Variants in PRKCA observed in about 807,000 individuals in gnomAD.
The protein encoded by PRKCA is protein kinase C alpha.
A neutral mutation model predicts 87.0 loss-of-function variants in PRKCA; 27 were observed. The ratio of observed to expected loss-of-function variants is 0.31; its 90% CI spans 0.23 to 0.43. PRKCA has a LOEUF of 0.43. PRKCA is among the 20% of genes least tolerant of loss of function. The probability of loss-of-function intolerance (pLI) is 1.00; values close to 1 mark genes in which losing one functional copy is unlikely to be tolerated. For synonymous variants in PRKCA, 329 were observed against 311.1 expected, an observed-to-expected ratio of 1.06 and a Z score of -0.61; for missense variants, 518 against 852.3, an observed-to-expected ratio of 0.61 and a Z score of 4.88.
At chr17:66,584,561 A>C (rs1003037182) in intron 3 of PRKCA, among the ~76,000 whole-genome samples, 5 of 152,030 alleles carry the variant, frequency 3.3e-5, no homozygotes, top group Non-Finnish European at 5.9e-5. Context: ...AATTTATTAT[A>C]TTACAGTTCA....
chr17:66,700,892 C>A (rs912825190), intron 8 of PRKCA, among the ~76,000 whole-genome samples: 1 of 152,176 alleles, frequency 6.6e-6, no homozygotes, highest in African/African-American at 2.4e-5. Context: ...ACAGATTATA[C>A]GTAATCCTTA....
intron 3 of PRKCA, among the ~76,000 whole-genome samples, chr17:66,614,158 G>A (rs955311039): frequency 1.3e-5 from 2 of 152,084 alleles, no homozygotes; most frequent in Admixed American, 6.5e-5. Flanking sequence ...CACTCTCTCC[G>A]ATTCCAGCTG....
chr17:66,796,304 G>T (rs1009368432), intron 16 of PRKCA: 6 of 320,202 alleles, frequency 1.9e-5, no homozygotes, highest in African/African-American at 2.3e-5. Flanking sequence ...CGTCTTTCAC[G>T]TAGCAATGTA....
intron 3 of PRKCA, among the ~76,000 whole-genome samples, chr17:66,636,160 TATTTAGAGGCTATTGATAGAAAC>T (rs1405393566): frequency 6.6e-6 from 1 of 152,166 alleles, no homozygotes; most frequent in Non-Finnish European, 1.5e-5. Flanking sequence ...AATGCATCAC[TATTTAGAGGCTATTGATAGAAAC>T]ACAGTGAGCC....
intron 3 of PRKCA, among the ~76,000 whole-genome samples, 189 bp from the exon 4 acceptor site, chr17:66,641,166 C>T (rs1383097255): frequency 6.6e-6 from 1 of 150,744 alleles, no homozygotes; most frequent in African/African-American, 2.4e-5. Flanking sequence ...CAAAAAACAA[C>T]AGTAAATATC....
chr17:66,474,798 G>T (rs1222852498), intron 2 of PRKCA, among the ~76,000 whole-genome samples: 1 of 152,162 alleles, frequency 6.6e-6, no homozygotes, highest in Admixed American at 6.5e-5. Context: ...GTAGAAAAAG[G>T]TTTGTGTGTT....
intron 2 of PRKCA, among the ~76,000 whole-genome samples, chr17:66,418,912 C>T (rs536306027): frequency 8.1e-5 from 12 of 148,510 alleles, no homozygotes; most frequent in Middle Eastern, 3.5e-3. Flanking sequence ...CCATCACGCC[C>T]GGCTAATTTT....
At chr17:66,420,626 C>T (rs181199085) in intron 2 of PRKCA, among the ~76,000 whole-genome samples, 11 of 152,172 alleles carry the variant, frequency 7.2e-5, no homozygotes, top group East Asian at 3.9e-4. Context: ...AAGGTAGGCT[C>T]GGCTACGATA....
At chr17:66,775,575 C>T in intron 14 of PRKCA, 3 of 985,414 alleles carry the variant, frequency 3.0e-6, no homozygotes, top group South Asian at 9.4e-5. Flanking sequence ...TAATTCCCAG[C>T]ACTCACATGC....
Position 66,489,107 on chromosome 17 carries a change from T to A in PRKCA, c.206-7094T>A, listed in dbSNP as rs77686011. Among the ~76,000 whole-genome samples the A allele has an allele frequency of 3.5e-3, 533 of 152,098 alleles. 3 individuals are homozygous for A. The highest frequency in any genetic ancestry group is 0.012 in the African/African-American group (500 of 41,522). ...CATTTTTGTATTTAAAAAAAAGAAT[T>A]CAAGGAAGCTCAGCTACCAGTCTTC... On this transcript the variant is annotated intron_variant, in intron 2 of 16. Coordinates refer to ENST00000413366, the MANE Select transcript of PRKCA (RefSeq NM_002737.3).
intron 2 of PRKCA, among the ~76,000 whole-genome samples, chr17:66,370,955 CTGGTTTGTAAGAGGGCATGT>C (rs1369549624): frequency 1.3e-5 from 2 of 152,114 alleles, no homozygotes; most frequent in Non-Finnish European, 2.9e-5. Context: ...CAGGGGCAGG[CTGGTTTGTAAGAGGGCATGT>C]TGCCTGTAGC....
intron 8 of PRKCA, among the ~76,000 whole-genome samples, chr17:66,721,618 A>G (rs1746645364): frequency 6.6e-6 from 1 of 152,144 alleles, no homozygotes; most frequent in African/African-American, 2.4e-5. Flanking sequence ...TTTATAGACC[A>G]TCATGGCACT....
intron 3 of PRKCA, among the ~76,000 whole-genome samples, chr17:66,628,474 G>A (rs941529304): frequency 8.5e-5 from 13 of 152,106 alleles, no homozygotes; most frequent in South Asian, 6.2e-4. Context: ...TTTTTAAAAA[G>A]CTACCTATCA....
chr17:66,532,794 A>T (rs1292570417), intron 3 of PRKCA, among the ~76,000 whole-genome samples: 1 of 152,160 alleles, frequency 6.6e-6, no homozygotes, highest in African/African-American at 2.4e-5. Flanking sequence ...TGCTGTGACC[A>T]TGGACAAGTT....
At chr17:66,320,294 C>G (rs1348599162) in intron 2 of PRKCA, among the ~76,000 whole-genome samples, 1 of 152,076 alleles carries the variant, frequency 6.6e-6, no homozygotes, top group East Asian at 1.9e-4. Context: ...TGACCCTGTG[C>G]TATGAACCTT....
chr17:66,751,498 G>A (rs775764711), intron 13 of PRKCA, among the ~76,000 whole-genome samples: 1 of 152,206 alleles, frequency 6.6e-6, no homozygotes, highest in Non-Finnish European at 1.5e-5. Context: ...GAGACTTCTT[G>A]GTTCTGGAAA....
At chr17:66,305,542 A>T (rs907628679) in intron 1 of PRKCA, among the ~76,000 whole-genome samples, 1 of 152,270 alleles carries the variant, frequency 6.6e-6, no homozygotes, top group African/African-American at 2.4e-5. Flanking sequence ...GATCGTGGTC[A>T]TCTCAAATGC....
chr17:66,755,810 G>A (rs1974534703), intron 13 of PRKCA, among the ~76,000 whole-genome samples: 1 of 152,112 alleles, frequency 6.6e-6, no homozygotes, highest in Non-Finnish European at 1.5e-5. Context: ...CCTCCCACGT[G>A]GGAGACCTGG....
chr17:66,506,072 G>A (rs553653766), intron 3 of PRKCA, among the ~76,000 whole-genome samples: 1 of 152,288 alleles, frequency 6.6e-6, no homozygotes, highest in Non-Finnish European at 1.5e-5. Context: ...AAGGCAGGTG[G>A]ATCACCTGAG....
Sources: gnomAD v4.1 joint callset for allele counts (sites outside exome capture counted in the v4.1 genomes callset) on GRCh38, gnomAD v4.1.1 for gene constraint, MANE v1.5 for transcripts, NCBI Gene and HGNC (gene_info 2026-07-23, HGNC 2026-07-21) for gene names.